Variants in AKT3 observed in about 807,000 individuals in gnomAD.
AKT3 encodes AKT serine/threonine kinase 3.
In AKT3, 15 loss-of-function variants were observed where a neutral mutation model predicts 65.3. That is an observed-to-expected ratio of 0.23 (90% CI 0.15 to 0.35). AKT3 has a LOEUF of 0.35. AKT3 is among the 10% of genes least tolerant of loss of function. The probability of loss-of-function intolerance (pLI) is 1.00; values close to 1 mark genes in which losing one functional copy is unlikely to be tolerated. For synonymous variants in AKT3, 206 were observed against 183.8 expected (o/e 1.12, Z -0.98); for missense variants, 243 against 576.5 (o/e 0.42, Z 5.92).
intron 2 of AKT3, among the ~76,000 whole-genome samples, chr1:243,746,901 G>T (rs929917453): frequency 6.6e-6 from 1 of 151,922 alleles, no homozygotes; most frequent in African/African-American, 2.4e-5. Flanking sequence ...TGAACATGGG[G>T]GGTGGGGGGC....
chr1:243,558,424 T>C (rs10927039), intron 10 of AKT3, among the ~76,000 whole-genome samples: 34,037 of 151,854 alleles, frequency 0.22, 4,065 homozygotes, highest in African/African-American at 0.29. Context: ...ATATTAAAGA[T>C]AGTAGGTTTC....
At chr1:243,631,619 A>C (rs979935530) in intron 6 of AKT3, among the ~76,000 whole-genome samples, 35 of 152,186 alleles carry the variant, frequency 2.3e-4, no homozygotes, top group African/African-American at 8.4e-4. Flanking sequence ...AAAACAATGA[A>C]GTTTCCCATA....
At chr1:243,610,362 G>A (rs1346947046) in intron 8 of AKT3, among the ~76,000 whole-genome samples, 1 of 152,124 alleles carries the variant, frequency 6.6e-6, no homozygotes, top group Non-Finnish European at 1.5e-5. Context: ...AAGATGCTAG[G>A]GTTATACCGT....
In AKT3 at chr1:243,808,685, C is replaced by A. The variant is rs1234230259; in HGVS notation, c.46+34440G>T. On this transcript the variant is annotated intron_variant, in intron 2 of 13. Coordinates refer to ENST00000673466, the MANE Select transcript of AKT3 (RefSeq NM_005465.7). Reference sequence around the variant, plus strand: ...GATTCAGGAAATACAGAAAACGCCACAAAGATACTCCTCAAGAAGAGCAAC... The same window carrying A: ...GATTCAGGAAATACAGAAAACGCCAAAAAGATACTCCTCAAGAAGAGCAAC... 2.0e-5 allele frequency among the ~76,000 whole-genome samples: 3 copies of A among 152,084 alleles called. No homozygotes were observed. The East Asian group carries it at 5.8e-4, about 29-fold the overall frequency.
intron 2 of AKT3, among the ~76,000 whole-genome samples, chr1:243,713,881 G>A (rs1686319099): frequency 6.6e-6 from 1 of 151,686 alleles, no homozygotes; most frequent in Non-Finnish European, 1.5e-5. Flanking sequence ...ACAAAGCCCT[G>A]TGAATTGAAG....
intron 3 of AKT3, among the ~76,000 whole-genome samples, chr1:243,669,845 G>C (rs2147937754): frequency 6.6e-6 from 1 of 152,306 alleles, no homozygotes; most frequent in East Asian, 1.9e-4. Flanking sequence ...TTTATGTATA[G>C]AGTGGTTTGG....
At chr1:243,595,075 G>T (rs187096362) in intron 8 of AKT3, among the ~76,000 whole-genome samples, 3 of 152,326 alleles carry the variant, frequency 2.0e-5, no homozygotes, top group Admixed American at 2.0e-4. Flanking sequence ...GATACATTCT[G>T]AGAAATGTGC....
chr1:243,510,635 G>A (rs1669956142), intron 13 of AKT3, among the ~76,000 whole-genome samples: 1 of 152,190 alleles, frequency 6.6e-6, no homozygotes, highest in East Asian at 1.9e-4. Flanking sequence ...CCCGAGGCAT[G>A]GTGACGTGTG....
chr1:243,795,511 G>T (rs1237052953), intron 2 of AKT3, among the ~76,000 whole-genome samples: 1 of 114,936 alleles, frequency 8.7e-6, no homozygotes, highest in Non-Finnish European at 1.6e-5. Context: ...TCGCTCTGTC[G>T]CCCAGGCTGG....
In AKT3 at chr1:243,699,675, T is replaced by C. The variant is rs1685317782; in HGVS notation, c.47-3959A>G. On this transcript the variant is annotated intron_variant, in intron 2 of 13. Coordinates refer to ENST00000673466, the MANE Select transcript of AKT3 (RefSeq NM_005465.7). ...GTGAGTGGTGGACCCTCGAATGATGTACGCACCCTAATCCCAGGAACCTGT... is the reference window on the plus strand; with the variant it reads ...GTGAGTGGTGGACCCTCGAATGATGCACGCACCCTAATCCCAGGAACCTGT... 2.0e-5 allele frequency among the ~76,000 whole-genome samples: 3 copies of C among 151,460 alleles called. No homozygotes were observed. In the South Asian group the frequency reaches 6.3e-4, roughly 32 times the overall value.
intron 4 of AKT3, among the ~76,000 whole-genome samples, chr1:243,647,734 T>G (rs1415349322): frequency 6.6e-6 from 1 of 152,180 alleles, no homozygotes; most frequent in Non-Finnish European, 1.5e-5. Flanking sequence ...TCCGTATGCT[T>G]TTTACATCTT....
chr1:243,569,677 T>G (rs974196856), intron 9 of AKT3, among the ~76,000 whole-genome samples: 1 of 152,210 alleles, frequency 6.6e-6, no homozygotes, highest in Non-Finnish European at 1.5e-5. Context: ...ATTCTCACAT[T>G]AGGTGGAAAA....
downstream of AKT3, among the ~76,000 whole-genome samples, chr1:243,498,941 C>T (rs1233800522): frequency 2.0e-5 from 3 of 152,226 alleles, no homozygotes; most frequent in East Asian, 5.8e-4. Flanking sequence ...TTTCTCTGGA[C>T]TTCACAATCT....
At chr1:243,586,417 T>C (rs1412134333) in intron 8 of AKT3, among the ~76,000 whole-genome samples, 1 of 152,114 alleles carries the variant, frequency 6.6e-6, no homozygotes, top group Non-Finnish European at 1.5e-5. Flanking sequence ...AGAAAACAAA[T>C]TGTTCTATAA....
chr1:243,784,264 C>G (rs774798900), intron 2 of AKT3, among the ~76,000 whole-genome samples: 33 of 151,902 alleles, frequency 2.2e-4, no homozygotes, highest in Non-Finnish European at 4.1e-4. Context: ...GACATGAGAA[C>G]AAACATAATC....
chr1:243,754,955 GAAGTC>G (rs1689035492), intron 2 of AKT3, among the ~76,000 whole-genome samples: 1 of 152,230 alleles, frequency 6.6e-6, no homozygotes, highest in African/African-American at 2.4e-5. Flanking sequence ...ACCATTCCAT[GAAGTC>G]AAGAACCCTA....
chr1:243,660,214 T>G (rs1307747488), intron 4 of AKT3, among the ~76,000 whole-genome samples: 1 of 151,814 alleles, frequency 6.6e-6, no homozygotes, highest in Admixed American at 6.6e-5. Context: ...CTTGGGAGAG[T>G]GTATGTGTCG....
chr1:243,734,793 C>A (rs1687752378), intron 2 of AKT3, among the ~76,000 whole-genome samples: 1 of 152,146 alleles, frequency 6.6e-6, no homozygotes. Context: ...AATTTTGTAG[C>A]TTTTTGACTC....
rs953902366 is a variant in AKT3, at chr1:243,808,399, C to T, written c.46+34726G>A. 2.0e-5 allele frequency among the ~76,000 whole-genome samples: 3 copies of T among 151,990 alleles called. 1 individual carries two copies. The highest frequency in any genetic ancestry group is 7.3e-5 in the African/African-American group (3 of 41,350). On this transcript the variant is annotated intron_variant, in intron 2 of 13. Transcript: ENST00000673466. Reference sequence around the variant, plus strand: ...GTGACGAATGCACAAGCTTCAGTAGCCGATTCGATCAACTGGAAGAAAGGG... The same window carrying T: ...GTGACGAATGCACAAGCTTCAGTAGTCGATTCGATCAACTGGAAGAAAGGG...
Sources: allele counts gnomAD v4.1 joint callset (sites outside exome capture counted in the v4.1 genomes callset), GRCh38; gene constraint gnomAD v4.1.1; transcripts MANE v1.5; gene names NCBI Gene and HGNC (gene_info 2026-07-23, HGNC 2026-07-21).